The following TERB2 variants were observed in gnomAD, a reference collection of about 807,000 sequenced individuals.
The protein encoded by TERB2 is telomere repeat binding bouquet formation protein 2, also known as telomere repeats-binding bouquet formation protein 2.
In TERB2, 26 loss-of-function variants were observed where a neutral mutation model predicts 29.8. The observed-to-expected ratio is 0.87, with a 90% CI of 0.64 to 1.21. TERB2 has a LOEUF of 1.21. TERB2 is among the 50% of genes most tolerant of loss of function. TERB2 has a pLI of 0.00. For missense variants in TERB2, 240 were observed against 268.6 expected, an observed-to-expected ratio of 0.89 and a Z score of 0.74; for synonymous variants, 80 against 90.8, an observed-to-expected ratio of 0.88 and a Z score of 0.68.
chr15:44,958,009 C>T (rs530304263), intron 2 of TERB2, among the ~76,000 whole-genome samples: 1 of 152,272 alleles, frequency 6.6e-6, no homozygotes, highest in Admixed American at 6.5e-5. Flanking sequence ...CTTTCTCTGA[C>T]TGCATGCACA....
intron 3 of TERB2, among the ~76,000 whole-genome samples, chr15:44,960,499 G>T (rs1369038648): frequency 6.6e-6 from 1 of 152,110 alleles, no homozygotes; most frequent in African/African-American, 2.4e-5. Flanking sequence ...TGGGCAACAT[G>T]CTGAGACGCC....
intron 4 of TERB2, among the ~76,000 whole-genome samples, chr15:44,962,375 G>C (rs1271415599): frequency 6.7e-6 from 1 of 148,198 alleles, no homozygotes; most frequent in Non-Finnish European, 1.5e-5. Context: ...ATTTTTAGTA[G>C]AGACAGGGTT....
rs1163232136 is a variant in TERB2, at chr15:44,978,715, G to A, written c.*87G>A. On this transcript the variant is annotated 3_prime_UTR_variant, in exon 7 of 7. Coordinates refer to ENST00000340827, the MANE Select transcript of TERB2 (RefSeq NM_152448.3). ...TCATAAAATGCTCCCTTTTGGTACT[G>A]GGGGATAGTGAAATGGGAAATAATT... The A allele has an allele frequency of 8.3e-6, 11 of 1,331,394 alleles. No homozygotes were observed. The East Asian group carries it at 2.9e-4, about 36-fold the overall frequency. 82.5% of individuals were successfully genotyped at this position (1,331,394 alleles called of 1,614,324 possible).
At chr15:44,977,535 G>T (rs973949399) in intron 6 of TERB2, among the ~76,000 whole-genome samples, 55 of 152,266 alleles carry the variant, frequency 3.6e-4, no homozygotes, top group African/African-American at 1.3e-3. Context: ...CAAAGATTAT[G>T]AACTCATAGA....
chr15:44,961,121 G>C (rs1321123071), intron 3 of TERB2, among the ~76,000 whole-genome samples: 2 of 149,064 alleles, frequency 1.3e-5, no homozygotes, highest in African/African-American at 4.9e-5. Flanking sequence ...TACAGATATA[G>C]ATATTGATGT....
intron 4 of TERB2, among the ~76,000 whole-genome samples, chr15:44,962,235 G>A (rs1186537013): frequency 3.4e-5 from 5 of 149,062 alleles, no homozygotes; most frequent in African/African-American, 1.2e-4. Flanking sequence ...AGACTGGAGT[G>A]CAGTGGTGCG....
intron 4 of TERB2, among the ~76,000 whole-genome samples, chr15:44,962,673 A>C (rs1218460039): frequency 6.6e-6 from 1 of 152,176 alleles, no homozygotes; most frequent in Non-Finnish European, 1.5e-5. Context: ...TACTGGAAAA[A>C]TAGCTGTTTT....
intron 2 of TERB2, among the ~76,000 whole-genome samples, chr15:44,957,387 C>T (rs1401324166): frequency 6.6e-6 from 1 of 152,064 alleles, no homozygotes; most frequent in African/African-American, 2.4e-5. Context: ...CTCCCTGGTC[C>T]TCGGGCCTCT....
intron 5 of TERB2, 130 bp from the exon 6 acceptor site, chr15:44,973,737 A>G (rs11637679): frequency 0.14 from 88,053 of 613,322 alleles, 7,352 homozygotes; most frequent in East Asian, 0.34. Context: ...CATATGTGGT[A>G]TAGTATACTA....
chr15:44,966,922 T>C (rs1015219491), intron 5 of TERB2, among the ~76,000 whole-genome samples: 7 of 152,106 alleles, frequency 4.6e-5, no homozygotes, highest in African/African-American at 1.7e-4. Context: ...AGCATAGGGA[T>C]ACCCCACCTC....
chr15:44,976,385 T>A (rs1290463173), intron 6 of TERB2, among the ~76,000 whole-genome samples: 1 of 152,080 alleles, frequency 6.6e-6, no homozygotes, highest in Non-Finnish European at 1.5e-5. Flanking sequence ...AGGTGTTGGG[T>A]CCTTGCTGGA....
At chr15:44,976,270 G>A (rs1042766328) in intron 6 of TERB2, 3 of 152,158 alleles carry the variant, frequency 2.0e-5, no homozygotes, top group African/African-American at 7.2e-5. Context: ...CTGTCTCACA[G>A]CTTTTTGTAA....
intron 3 of TERB2, among the ~76,000 whole-genome samples, chr15:44,960,766 A>G (rs1293189442): frequency 6.6e-6 from 1 of 152,088 alleles, no homozygotes; most frequent in Non-Finnish European, 1.5e-5. Flanking sequence ...GGACAGCAAA[A>G]GTCTAGAGTA....
At chr15:44,966,977 A>G (rs944665412) in intron 5 of TERB2, among the ~76,000 whole-genome samples, 46 of 152,136 alleles carry the variant, frequency 3.0e-4, no homozygotes, top group African/African-American at 7.7e-4. Flanking sequence ...GCACATACCT[A>G]TAGTCCCAGC....
rs1892087808 is a variant in TERB2 at position 44,979,053 on chromosome 15, T to C, written c.*425T>C. ...ATTATATTTTTTCTAGATTGAATAC[T>C]GTGAATGCTAAGTTTTATTAATCTG... On this transcript the variant is annotated 3_prime_UTR_variant, in exon 7 of 7. Coordinates refer to ENST00000340827, the MANE Select transcript of TERB2 (RefSeq NM_152448.3). 1 of 152,306 alleles carries C rather than the reference T, an allele frequency of 6.6e-6. No homozygotes were observed. The highest frequency in any genetic ancestry group is 6.5e-5 in the Admixed American group (1 of 15,282). The allele number at this position is 152,306 out of a possible 1,614,324, so 9.4% of individuals were successfully genotyped here.
chr15:44,961,672 A>C, intron 4 of TERB2, 88 bp downstream of exon 4: 1 of 863,520 alleles, frequency 1.2e-6, no homozygotes, highest in Non-Finnish European at 1.8e-6. Context: ...TATTTGTGAC[A>C]TGTTAGCACC....
At chr15:44,961,125 T>A (rs1332495658) in intron 3 of TERB2, among the ~76,000 whole-genome samples, 2 of 150,288 alleles carry the variant, frequency 1.3e-5, no homozygotes, top group Non-Finnish European at 3.0e-5. Context: ...GATATAGATA[T>A]TGATGTATAT....
chr15:44,978,440 G>A, intron 6 of TERB2, 49 bp from the exon 7 acceptor site: 1 of 1,499,678 alleles, frequency 6.7e-7, no homozygotes, highest in Non-Finnish European at 8.9e-7. Flanking sequence ...AAAGCAAATA[G>A]TATGAGCGGG....
At chr15:44,978,394 T>G in intron 6 of TERB2, 95 bp from the exon 7 acceptor site, 1 of 1,338,554 alleles carries the variant, frequency 7.5e-7, no homozygotes, top group Non-Finnish European at 9.7e-7. Flanking sequence ...AAAACATTCT[T>G]TAGAAGTCTT....
Sources: allele counts gnomAD v4.1 joint callset (sites outside exome capture counted in the v4.1 genomes callset), GRCh38; gene constraint gnomAD v4.1.1; transcripts MANE v1.5; gene names NCBI Gene and HGNC (gene_info 2026-07-23, HGNC 2026-07-21).